CYTH3: variants seen among roughly 807,000 people sequenced by gnomAD.
CYTH3 encodes the protein cytohesin 3.
Under a neutral mutation model 55.1 loss-of-function variants are expected in CYTH3, and 23 were observed. The observed-to-expected ratio is 0.42, with a 90% CI of 0.30 to 0.59. The LOEUF (loss-of-function observed/expected upper bound fraction) is 0.59. Ranked by LOEUF, CYTH3 falls within the 20% of genes least tolerant of loss-of-function variation. The pLI is 0.20. For missense variants in CYTH3, 413 were observed against 524.8 expected, an observed-to-expected ratio of 0.79 and a Z score of 2.08; for synonymous variants, 249 against 194.9, an observed-to-expected ratio of 1.28 and a Z score of -2.31.
intron 1 of CYTH3, among the ~76,000 whole-genome samples, chr7:6,235,940 T>A (rs1399571955): frequency 6.6e-6 from 1 of 152,250 alleles, no homozygotes; most frequent in Non-Finnish European, 1.5e-5. Context: ...AGAAATTATT[T>A]TGAAATGTTT....
intron 1 of CYTH3, among the ~76,000 whole-genome samples, chr7:6,221,785 C>T (rs1396861574): frequency 6.6e-6 from 1 of 151,844 alleles, no homozygotes; most frequent in African/African-American, 2.4e-5. Flanking sequence ...GACAGCTCTA[C>T]AAAAAATAAA....
chr7:6,264,265 A>G (rs1288528707), intron 1 of CYTH3, among the ~76,000 whole-genome samples: 1 of 151,548 alleles, frequency 6.6e-6, no homozygotes, highest in African/African-American at 2.4e-5. Flanking sequence ...AAAAAAACAA[A>G]AAGGAGACCT....
chr7:6,184,268 G>A (rs376490448), intron 4 of CYTH3, among the ~76,000 whole-genome samples: 2 of 151,704 alleles, frequency 1.3e-5, no homozygotes, highest in South Asian at 2.1e-4. Context: ...CACTGTGTTA[G>A]CCAGGATGGT....
chr7:6,177,647 G>A (rs1206666451), intron 5 of CYTH3, among the ~76,000 whole-genome samples, 176 bp downstream of exon 5: 2 of 152,242 alleles, frequency 1.3e-5, no homozygotes, highest in East Asian at 1.9e-4. Context: ...ATGGACACGG[G>A]AGAGGAACCG....
intron 1 of CYTH3, among the ~76,000 whole-genome samples, chr7:6,196,172 C>T (rs1008437171): frequency 6.6e-6 from 1 of 152,190 alleles, no homozygotes; most frequent in Non-Finnish European, 1.5e-5. Flanking sequence ...CTCCTTGGCT[C>T]AGCCTAGCTC....
chr7:6,231,359 A>G (rs968433317), intron 1 of CYTH3, among the ~76,000 whole-genome samples: 8 of 152,370 alleles, frequency 5.3e-5, no homozygotes, highest in Admixed American at 3.3e-4. Context: ...CAAAGGAAAC[A>G]GAGTGAGCAC....
Position 6,259,766 on chromosome 7 carries a change from TATATATTATATATATATAATATATATATA to T in CYTH3, c.34+12679_34+12707del, listed in dbSNP as rs1780251962. 8.1e-5 allele frequency among the ~76,000 whole-genome samples: 2 copies of T among 24,750 alleles called. 1 individual carries two copies. The highest frequency in any genetic ancestry group is 1.1e-4 in the Non-Finnish European group (2 of 17,752). The allele number at this position is 24,750 out of a possible 152,430, so 16.2% of individuals were successfully genotyped here. Reference sequence around the variant, plus strand: ...ATAATATATATATATATTATATATATATATATTATATATATATAATATATATATATATATATATATATATATAATATATA... The same window carrying T: ...ATAATATATATATATATTATATATATTATATATATATATATATAATATATA... On this transcript the variant is annotated intron_variant, in intron 1 of 12. Coordinates refer to ENST00000350796, the MANE Select transcript of CYTH3 (RefSeq NM_004227.4).
intron 9 of CYTH3, among the ~76,000 whole-genome samples, chr7:6,166,506 C>T (rs1473612300): frequency 1.3e-5 from 2 of 152,234 alleles, no homozygotes; most frequent in Non-Finnish European, 2.9e-5. Context: ...CGCTGCGGAG[C>T]TCACCCGGCT....
At chr7:6,237,567 G>A (rs952868144) in intron 1 of CYTH3, among the ~76,000 whole-genome samples, 13 of 152,038 alleles carry the variant, frequency 8.6e-5, no homozygotes, top group Non-Finnish European at 1.3e-4. Context: ...AATTAGCCAG[G>A]CATGGTGGCA....
At chr7:6,250,848 A>G (rs1264819644) in intron 1 of CYTH3, among the ~76,000 whole-genome samples, 3 of 152,236 alleles carry the variant, frequency 2.0e-5, no homozygotes, top group African/African-American at 7.2e-5. Context: ...GTGATTTCTA[A>G]AAAGAGAATA....
chr7:6,203,071 GATA>G (rs767170164), intron 1 of CYTH3, among the ~76,000 whole-genome samples: 4 of 151,964 alleles, frequency 2.6e-5, no homozygotes, highest in African/African-American at 4.8e-5. Flanking sequence ...TGAGTCACTA[GATA>G]ATGATATTTT....
At chr7:6,230,777 T>A (rs187372167) in intron 1 of CYTH3, among the ~76,000 whole-genome samples, 117 of 152,300 alleles carry the variant, frequency 7.7e-4, no homozygotes, top group African/African-American at 2.8e-3. Context: ...GGTACAACAC[T>A]CTAAGTACAT....
intron 1 of CYTH3, among the ~76,000 whole-genome samples, chr7:6,223,380 T>C (rs1211376106): frequency 1.3e-5 from 2 of 152,180 alleles, no homozygotes; most frequent in Admixed American, 1.3e-4. Context: ...ATGGCGGTTT[T>C]GTCGAAAAGA....
At chr7:6,203,734 T>C (rs1288754205) in intron 1 of CYTH3, among the ~76,000 whole-genome samples, 3 of 152,164 alleles carry the variant, frequency 2.0e-5, no homozygotes, top group Admixed American at 6.5e-5. Context: ...TTTTTTTTTT[T>C]TGGAGACAGA....
intron 1 of CYTH3, among the ~76,000 whole-genome samples, chr7:6,230,543 G>T (rs905557190): frequency 9.9e-5 from 15 of 152,242 alleles, no homozygotes; most frequent in African/African-American, 3.6e-4. Context: ...ATTACAACAG[G>T]AAGAATAATC....
At chr7:6,193,353 G>T (rs148671354) in intron 1 of CYTH3, among the ~76,000 whole-genome samples, 2 of 150,902 alleles carry the variant, frequency 1.3e-5, no homozygotes, top group African/African-American at 2.4e-5. Context: ...CTCTAGCCTG[G>T]GCGACAGAGC....
intron 1 of CYTH3, among the ~76,000 whole-genome samples, chr7:6,264,489 G>A (rs1780434569): frequency 6.6e-6 from 1 of 152,110 alleles, no homozygotes; most frequent in African/African-American, 2.4e-5. Context: ...GCGCCTGCCT[G>A]TAATCCCAGC....
intron 1 of CYTH3, among the ~76,000 whole-genome samples, chr7:6,224,414 TG>T (rs1330268769): frequency 6.6e-6 from 1 of 151,162 alleles, no homozygotes; most frequent in Non-Finnish European, 1.5e-5. Flanking sequence ...CTTCAACAAA[TG>T]GTGCTGGGAC....
At chr7:6,183,741 C>A (rs1177487989) in intron 4 of CYTH3, among the ~76,000 whole-genome samples, 1 of 151,966 alleles carries the variant, frequency 6.6e-6, no homozygotes, top group Non-Finnish European at 1.5e-5. Flanking sequence ...CGTGTCCCCC[C>A]CACAATTCAT....
Sources: gnomAD v4.1 joint callset for allele counts (sites outside exome capture counted in the v4.1 genomes callset) on GRCh38, gnomAD v4.1.1 for gene constraint, MANE v1.5 for transcripts, NCBI Gene and HGNC (gene_info 2026-07-23, HGNC 2026-07-21) for gene names.